The following PPP1R13B variants were observed in gnomAD, a reference collection of about 807,000 sequenced individuals.
The protein encoded by PPP1R13B is apoptosis-stimulating of p53 protein 1.
A neutral mutation model predicts 119.8 loss-of-function variants in PPP1R13B; 44 were observed. The ratio of observed to expected loss-of-function variants is 0.37; its 90% confidence interval spans 0.29 to 0.47. The LOEUF (loss-of-function observed/expected upper bound fraction) is 0.47, where lower values mean the gene tolerates loss of function less well. PPP1R13B is among the 20% of genes least tolerant of loss of function. PPP1R13B has a pLI of 0.99. For synonymous variants in PPP1R13B, 542 were observed against 561.5 expected, an observed-to-expected ratio of 0.97 and a Z score of 0.49; for missense variants, 1,227 against 1,413.5, an observed-to-expected ratio of 0.87 and a Z score of 2.12.
At chr14:103,825,964 C>G (rs1417578058) in intron 1 of PPP1R13B, among the ~76,000 whole-genome samples, 5 of 152,116 alleles carry the variant, frequency 3.3e-5, no homozygotes, top group African/African-American at 1.2e-4. Context: ...CATGCCTCAG[C>G]CTCCAGAGTA....
rs1197238944 is a variant in PPP1R13B, at chr14:103,740,784, T to C, written c.1823-191A>G. On this transcript the variant is annotated intron_variant, in intron 11 of 16. Coordinates refer to ENST00000202556, the MANE Select transcript of PPP1R13B (RefSeq NM_015316.3). This position sits in a 1 kb window ranked among gnomAD's most constrained non-coding sequence, Gnocchi z 4.6. The stretch of plus-strand genomic sequence containing the variant: ...GCCTCCACTGACTCCTTCTGAAAGG[T>C]GCAGTGCCTCTCTAATGTGTCGGTT... Among the ~76,000 whole-genome samples, 1 of 152,208 alleles carries C rather than the reference T, an allele frequency of 6.6e-6. No individual in the cohort carries two copies. Among genetic ancestry groups the C allele is most frequent in the Non-Finnish European group, 1.5e-5 (1 of 68,040 alleles).
chr14:103,793,807 T>C (rs1595781803), intron 2 of PPP1R13B, among the ~76,000 whole-genome samples: 1 of 152,222 alleles, frequency 6.6e-6, no homozygotes, highest in African/African-American at 2.4e-5. Flanking sequence ...CCACACAGAG[T>C]AGCTAATGAC....
chr14:103,799,225 C>G (rs186324398), intron 1 of PPP1R13B, among the ~76,000 whole-genome samples: 1 of 152,050 alleles, frequency 6.6e-6, no homozygotes, highest in Admixed American at 6.6e-5. Context: ...GTCACGCAGG[C>G]TGGAGTGCAG....
chr14:103,783,097 C>T (rs564772367), intron 3 of PPP1R13B, among the ~76,000 whole-genome samples: 2 of 152,046 alleles, frequency 1.3e-5, no homozygotes, highest in African/African-American at 2.4e-5. Flanking sequence ...GGAACCAGCA[C>T]GCCTAGCCAA....
intron 9 of PPP1R13B, among the ~76,000 whole-genome samples, chr14:103,746,113 CAG>C (rs1393038100): frequency 7.9e-5 from 12 of 152,354 alleles, no homozygotes; most frequent in African/African-American, 2.6e-4. Flanking sequence ...GCCCATGGAT[CAG>C]AGTTTTAATT....
In PPP1R13B at chr14:103,736,149, C is replaced by G. The variant is rs1289762879; in HGVS notation, c.3085G>C (p.Asp1029His). 2 of 1,614,088 alleles carry G rather than the reference C, an allele frequency of 1.2e-6. No homozygotes were observed. The highest frequency in any genetic ancestry group is 8.5e-7 in the Non-Finnish European group (1 of 1,180,054). The change falls in exon 16 of 17, where the codon GAC (aspartate) becomes CAC (histidine). Residue 1029 changes from aspartate to histidine, a missense_variant. By Grantham distance (81) the Asp-to-His change is moderately conservative. Transcript: ENST00000202556. ...TCGTCACTGTTCTGGGCCTCGTAGT[C>G]CCACAGAGCATACGCCACACCTTTG... ...MNKGVAYALW[D>H]YEAQNSDELS...
intron 1 of PPP1R13B, among the ~76,000 whole-genome samples, chr14:103,812,616 A>C (rs2086186581): frequency 6.6e-6 from 1 of 151,496 alleles, no homozygotes; most frequent in Non-Finnish European, 1.5e-5. Flanking sequence ...ATGGTGTTTC[A>C]CCATGTTGGC....
At chr14:103,804,283 G>C (rs1446985521) in intron 1 of PPP1R13B, among the ~76,000 whole-genome samples, 3 of 152,038 alleles carry the variant, frequency 2.0e-5, no homozygotes, top group Non-Finnish European at 4.4e-5. Flanking sequence ...TCTGAACTAA[G>C]AAAATCAACT....
chr14:103,817,568 A>G (rs1360970595), intron 1 of PPP1R13B, among the ~76,000 whole-genome samples: 1 of 152,160 alleles, frequency 6.6e-6, no homozygotes, highest in East Asian at 1.9e-4. Flanking sequence ...TACAGAGCTA[A>G]ATTTTTTTTT....
chr14:103,756,761 GT>G (rs564456007), intron 5 of PPP1R13B, among the ~76,000 whole-genome samples: 3,338 of 148,946 alleles, frequency 0.022, 116 homozygotes, highest in African/African-American at 0.077. Flanking sequence ...CGATTTCTTT[GT>G]TTTTTTTTTC....
chr14:103,785,347 T>C (rs577257935), intron 2 of PPP1R13B, among the ~76,000 whole-genome samples: 7 of 152,010 alleles, frequency 4.6e-5, no homozygotes, highest in Non-Finnish European at 1.0e-4. Context: ...GCCTCCCAAG[T>C]AGCTGAAATC....
At chr14:103,803,663 A>T (rs4906374) in intron 1 of PPP1R13B, among the ~76,000 whole-genome samples, 75,709 of 150,748 alleles carry the variant, frequency 0.5, 19,316 homozygotes, top group Non-Finnish European at 0.55. Context: ...AAATAAATAA[A>T]TAATTAATTA....
At chr14:103,775,200 G>GT (rs1308202797) in intron 4 of PPP1R13B, among the ~76,000 whole-genome samples, 1 of 151,890 alleles carries the variant, frequency 6.6e-6, no homozygotes, top group Admixed American at 6.6e-5. Flanking sequence ...CCTACTCAAT[G>GT]TATCTATTTA....
At chr14:103,747,287 G>A (rs2084410413) in intron 8 of PPP1R13B, 2 of 152,196 alleles carry the variant, frequency 1.3e-5, no homozygotes, top group African/African-American at 4.8e-5. Context: ...TTCGGGGTGA[G>A]GGGTTATGGC....
At chr14:103,829,949 T>C (rs962663077) in intron 1 of PPP1R13B, among the ~76,000 whole-genome samples, 9 of 151,890 alleles carry the variant, frequency 5.9e-5, no homozygotes, top group Non-Finnish European at 8.8e-5. Flanking sequence ...CAGCTAATTT[T>C]TGTATTTTTA....
intron 4 of PPP1R13B, among the ~76,000 whole-genome samples, chr14:103,769,075 T>C (rs1277578967): frequency 6.6e-6 from 1 of 152,194 alleles, no homozygotes; most frequent in Non-Finnish European, 1.5e-5. Context: ...ACTTCCACAC[T>C]GCACTGATCT....
At chr14:103,793,315 G>A (rs1398199669) in intron 2 of PPP1R13B, among the ~76,000 whole-genome samples, 2 of 152,156 alleles carry the variant, frequency 1.3e-5, no homozygotes, top group African/African-American at 4.8e-5. Flanking sequence ...CATGTCAAGG[G>A]AGAGACCAGA....
intron 3 of PPP1R13B, among the ~76,000 whole-genome samples, chr14:103,782,201 G>A (rs1036928268): frequency 1.3e-5 from 2 of 152,074 alleles, no homozygotes; most frequent in Admixed American, 6.6e-5. Context: ...CAAACAGATA[G>A]ATATGCACAT....
At chr14:103,807,281 ATCCC>A (rs1347837152) in intron 1 of PPP1R13B, among the ~76,000 whole-genome samples, 1 of 152,184 alleles carries the variant, frequency 6.6e-6, no homozygotes, top group Non-Finnish European at 1.5e-5. Flanking sequence ...GCACTACTCC[ATCCC>A]TCTGTCCTCC....
Sources: gnomAD v4.1 joint callset for allele counts (sites outside exome capture counted in the v4.1 genomes callset) on GRCh38, gnomAD v4.1.1 for gene constraint, Gnocchi (gnomAD v3.1) non-coding constraint, MANE v1.5 for transcripts, NCBI Gene and HGNC (gene_info 2026-07-23, HGNC 2026-07-21) for gene names.